ZBTB40: variants seen among roughly 807,000 people sequenced by gnomAD.
ZBTB40 encodes the protein zinc finger and BTB domain containing 40.
ZBTB40 carries 60 observed loss-of-function variants against 117.5 expected under a neutral mutation model. That is an observed-to-expected ratio of 0.51 (90% CI 0.41 to 0.63). The LOEUF is 0.63. Among genes scored for constraint, ZBTB40 ranks in the 30% least tolerant of loss-of-function variants. ZBTB40 has a pLI of 0.00. For missense variants in ZBTB40, 1,287 were observed against 1,498.5 expected (o/e 0.86, Z 2.33); for synonymous variants, 525 against 577.1 (o/e 0.91, Z 1.29).
At chr1:22,463,962 A>C (rs4233289) in intron 1 of ZBTB40, among the ~76,000 whole-genome samples, 60,193 of 152,148 alleles carry the variant, frequency 0.4, 14,815 homozygotes, top group African/African-American at 0.67. Flanking sequence ...GAAAACAAAC[A>C]TTTCTAGTGG....
chr1:22,443,324 A>G (rs1215871709), intron 1 of ZBTB40, among the ~76,000 whole-genome samples: 3 of 152,210 alleles, frequency 2.0e-5, no homozygotes, highest in Non-Finnish European at 4.4e-5. Context: ...TTAGGGAGAC[A>G]GAAGCCACAG....
chr1:22,440,607 A>G (rs1321021173), intron 1 of ZBTB40, among the ~76,000 whole-genome samples: 2 of 151,712 alleles, frequency 1.3e-5, no homozygotes, highest in African/African-American at 4.8e-5. Flanking sequence ...TTTGCTGTGC[A>G]TTTTTTATAT....
chr1:22,431,357 A>C (rs1224249725), intron 1 of ZBTB40, among the ~76,000 whole-genome samples: 3 of 101,312 alleles, frequency 3.0e-5, no homozygotes, highest in Non-Finnish European at 5.3e-5. Flanking sequence ...ATATACATAT[A>C]TATTTTGTGT....
In ZBTB40 at chr1:22,478,293, G is replaced by A. The variant is rs548881536; in HGVS notation, c.-69-11587G>A. On this transcript the variant is annotated intron_variant, in intron 1 of 17. Coordinates refer to ENST00000375647, the MANE Select transcript of ZBTB40 (RefSeq NM_014870.4). Reference sequence around the variant, plus strand: ...GACGGAGTCTCGCTCTGTCGCTTAGGCTGGAGTGCAGTGGTGCCATCTTGG... The same window carrying A: ...GACGGAGTCTCGCTCTGTCGCTTAGACTGGAGTGCAGTGGTGCCATCTTGG... Among the ~76,000 whole-genome samples the A allele has an allele frequency of 5.1e-4, 78 of 152,108 alleles. No homozygotes were observed. The South Asian group carries it at 0.016, about 31-fold the overall frequency.
chr1:22,510,705 G>A (rs1569868445), intron 9 of ZBTB40, among the ~76,000 whole-genome samples: 1 of 152,152 alleles, frequency 6.6e-6, no homozygotes, highest in Non-Finnish European at 1.5e-5. Flanking sequence ...GTTTAAATGG[G>A]TACATCTAAG....
intron 16 of ZBTB40, among the ~76,000 whole-genome samples, chr1:22,523,173 G>A (rs1023773524): frequency 6.6e-6 from 1 of 151,478 alleles, no homozygotes; most frequent in Non-Finnish European, 1.5e-5. Flanking sequence ...GGATGGTCTC[G>A]ATCTCCTGAC....
rs547328314 is a variant in ZBTB40 at position 22,513,829 on chromosome 1, ACCT to A, written c.2668+703_2668+705del. Among the ~76,000 whole-genome samples the A allele has an allele frequency of 3.3e-5, 5 of 152,328 alleles. No individual in the cohort carries two copies. In the South Asian group the frequency reaches 6.2e-4, roughly 19 times the overall value. ...GAGAGCTTCTGAAAGAGACTGGCTA[ACCT>A]CCTATGACTTTATATTAGGTCTTGT... On this transcript the variant is annotated intron_variant, in intron 12 of 17. Coordinates refer to ENST00000375647, the MANE Select transcript of ZBTB40 (RefSeq NM_014870.4). The surrounding 1 kb of genome is among the most constrained non-coding windows in gnomAD (Gnocchi z 4.9).
intron 1 of ZBTB40, among the ~76,000 whole-genome samples, chr1:22,434,683 A>C (rs908850659): frequency 2.0e-5 from 3 of 152,214 alleles, no homozygotes; most frequent in Non-Finnish European, 4.4e-5. Context: ...GTTTATCTTT[A>C]CTTCACATCT....
At chr1:22,430,822 G>C (rs1316500170) in intron 1 of ZBTB40, among the ~76,000 whole-genome samples, 2 of 152,058 alleles carry the variant, frequency 1.3e-5, no homozygotes, top group Non-Finnish European at 2.9e-5. Context: ...TAGAGATATA[G>C]TTTTTAGTTT....
In ZBTB40 at chr1:22,508,423, C is replaced by T. The variant is rs529553539; in HGVS notation, c.1498-107C>T. 14 of 1,374,850 alleles carry T rather than the reference C, an allele frequency of 1.0e-5. No homozygotes were observed. In the African/African-American group the frequency reaches 1.3e-4, roughly 13 times the overall value. The allele number at this position is 1,374,850 out of a possible 1,614,324, so 85.2% of individuals were successfully genotyped here. ...TGAGAGGTGAGGATGTTGAAAAACT[C>T]CTTCCCCAAACATATTCACTGTAAC... is the stretch of plus-strand genomic sequence containing the variant. On this transcript the variant is annotated intron_variant, in intron 7 of 17. Coordinates refer to ENST00000375647, the MANE Select transcript of ZBTB40 (RefSeq NM_014870.4).
intron 1 of ZBTB40, among the ~76,000 whole-genome samples, chr1:22,453,361 GTGTT>G (rs1640929041): frequency 6.6e-6 from 1 of 152,194 alleles, no homozygotes; most frequent in African/African-American, 2.4e-5. Flanking sequence ...TAATCATTTA[GTGTT>G]TGTTGAGCAC....
chr1:22,450,749 G>A (rs1432324528), upstream of ZBTB40, among the ~76,000 whole-genome samples: 1 of 152,240 alleles, frequency 6.6e-6, no homozygotes, highest in Non-Finnish European at 1.5e-5. Context: ...GTTCTGCCCA[G>A]TAGATTGAAT....
At chr1:22,450,136 G>C (rs1223174492), upstream of ZBTB40, among the ~76,000 whole-genome samples, 1 of 152,004 alleles carries the variant, frequency 6.6e-6, no homozygotes, top group Non-Finnish European at 1.5e-5. Flanking sequence ...TAGAGACGGG[G>C]GTTTCACCAT....
upstream of ZBTB40, among the ~76,000 whole-genome samples, chr1:22,450,044 AG>A (rs751245429): frequency 1.7e-4 from 26 of 152,062 alleles, no homozygotes; most frequent in Non-Finnish European, 3.4e-4. Flanking sequence ...CCCAGGTTCA[AG>A]CGATTCTCCT....
In ZBTB40 at chr1:22,520,091, G is replaced by A. The variant is rs1281410443; in HGVS notation, c.2864G>A (p.Cys955Tyr). ...NIEDPYDCKK[C>Y]RMSFPTLQDH... ...GAAGATCCTTATGACTGCAAGAAGT[G>A]CAGGATGAGTTTCCCCACTCTTCAG... Residue 955 changes from cysteine to tyrosine, a missense_variant, in exon 14 of 18, where the codon TGC (cysteine) becomes TAC (tyrosine). Around this residue, in one of 2 missense-constraint regions of ZBTB40, gnomAD observed 417 missense variants for 564.1 expected, o/e 0.74. Transcript: ENST00000375647. 3 of 1,614,098 alleles carry A rather than the reference G, an allele frequency of 1.9e-6. No homozygotes were observed. Among genetic ancestry groups the A allele is most frequent in the Non-Finnish European group, 2.5e-6 (3 of 1,180,050 alleles).
chr1:22,506,806 A>G, intron 6 of ZBTB40, among the ~76,000 whole-genome samples: 1 of 152,240 alleles, frequency 6.6e-6, no homozygotes, highest in East Asian at 1.9e-4. Flanking sequence ...AGCCTATAAA[A>G]GTAGTATGTA....
rs902207118 is a variant in ZBTB40 at position 22,513,257 on chromosome 1, T to C, written c.2668+127T>C. On this transcript the variant is annotated intron_variant, in intron 12 of 17. Coordinates refer to ENST00000375647, the MANE Select transcript of ZBTB40 (RefSeq NM_014870.4). The surrounding 1 kb of genome is among the most constrained non-coding windows in gnomAD (Gnocchi z 4.9). ...TGATAGCACAACAGGGTGACTAAAG[T>C]CAATAATAACTTAATTGTACATTTT... The C allele has an allele frequency of 1.0e-6, 1 of 1,001,564 alleles. No individual in the cohort carries two copies. Among genetic ancestry groups the C allele is most frequent in the Non-Finnish European group, 1.5e-6 (1 of 660,998 alleles). The allele number at this position is 1,001,564 out of a possible 1,614,324, so 62.0% of individuals were successfully genotyped here.
At chr1:22,517,591 G>A (rs546561872) in intron 13 of ZBTB40, 127 bp downstream of exon 13, 24 of 1,155,124 alleles carry the variant, frequency 2.1e-5, no homozygotes, top group Admixed American at 1.9e-4. Flanking sequence ...TACCTGTTCC[G>A]CTGCAAAACC....
intron 1 of ZBTB40, among the ~76,000 whole-genome samples, chr1:22,432,866 A>C (rs1481393453): frequency 1.3e-5 from 2 of 152,270 alleles, no homozygotes; most frequent in Non-Finnish European, 2.9e-5. Context: ...TTCTGGTCAC[A>C]TTCATTTGTT....
Sources: allele counts gnomAD v4.1 joint callset (sites outside exome capture counted in the v4.1 genomes callset), GRCh38; gene constraint gnomAD v4.1.1; regional missense constraint gnomAD v4.1.1; non-coding constraint Gnocchi (gnomAD v3.1); transcripts MANE v1.5; gene names NCBI Gene and HGNC (gene_info 2026-07-23, HGNC 2026-07-21).